The following CGN variants were observed in gnomAD, a reference collection of about 807,000 sequenced individuals.
CGN encodes cingulin.
CGN carries 121 observed loss-of-function variants against 157.1 expected under a neutral mutation model. The observed-to-expected ratio is 0.77, with a 90% CI of 0.66 to 0.90. The LOEUF is 0.90. CGN is among the 40% of genes least tolerant of loss of function. CGN has a pLI of 0.00. For missense variants in CGN, 1,424 were observed against 1,520.9 expected, an observed-to-expected ratio of 0.94 and a Z score of 1.06; for synonymous variants, 535 against 607.5, an observed-to-expected ratio of 0.88 and a Z score of 1.76.
At chr1:151,536,180 A>T (rs369747641) in intron 18 of CGN, 57 bp from the exon 19 acceptor site, 4 of 1,134,014 alleles carry the variant, frequency 3.5e-6, no homozygotes, top group Non-Finnish European at 5.4e-6. Context: ...TAGGGGGCCA[A>T]GTTAGGATTC....
At chr1:151,518,100 G>A (rs1557985698) in intron 1 of CGN, among the ~76,000 whole-genome samples, 2 of 152,190 alleles carry the variant, frequency 1.3e-5, no homozygotes, top group Non-Finnish European at 2.9e-5. Context: ...ACCCGCCTTG[G>A]CCTTCCAAAG....
chr1:151,510,925 G>A (rs374185236), upstream of CGN: 192 of 152,392 alleles, frequency 1.3e-3, 1 homozygote, highest in Non-Finnish European at 2.3e-3. Context: ...CTGAGGTGCA[G>A]GAGGCTCTGA....
At chr1:151,528,565 C>T (rs944970742) in intron 10 of CGN, among the ~76,000 whole-genome samples, 3 of 151,978 alleles carry the variant, frequency 2.0e-5, no homozygotes, top group Non-Finnish European at 4.4e-5. Flanking sequence ...TACAGGCACA[C>T]ACCACCACGC....
At chr1:151,517,070 A>G (rs1446945770) in intron 1 of CGN, among the ~76,000 whole-genome samples, 1 of 151,904 alleles carries the variant, frequency 6.6e-6, no homozygotes, top group Admixed American at 6.6e-5. Context: ...AGGCAGGAGA[A>G]TTGCTTAAAC....
Position 151,524,480 on chromosome 1 carries a change from T to C in CGN, c.1401+122T>C. Reference sequence around the variant, plus strand: ...GGTGGCTGATTACAGGTACTCAGTGTGCTTTCAGGTAGATTCAATGGTGTG... The same window carrying C: ...GGTGGCTGATTACAGGTACTCAGTGCGCTTTCAGGTAGATTCAATGGTGTG... On this transcript the variant is annotated intron_variant, in intron 7 of 20. Transcript: ENST00000271636. The surrounding 1 kb of genome is among the most constrained non-coding windows in gnomAD (Gnocchi z 4.4). 7.0e-7 allele frequency: 1 copy of C among 1,424,620 alleles called. No homozygotes were observed. The highest frequency in any genetic ancestry group is 1.3e-5 in the South Asian group (1 of 78,198). 88.2% of individuals were successfully genotyped at this position (1,424,620 alleles called of 1,614,324 possible). A position where few individuals can be genotyped will look rare whatever the true frequency, so the allele number is the denominator to read the frequency against.
chr1:151,529,970 C>T lies in CGN; in HGVS notation c.2168C>T (p.Thr723Met), dbSNP rs754439170. 8 of 1,613,948 alleles carry T rather than the reference C, an allele frequency of 5.0e-6. No individual in the cohort carries two copies. Among genetic ancestry groups the T allele is most frequent in the East Asian group, 2.2e-5 (1 of 44,884 alleles). The stretch of plus-strand genomic sequence containing the variant: ...GGGCAGCGGCGGGCCGCAGTGGAGA[C>T]GACGCTTCGGGAGACCCAGGAGGAA... Reference protein sequence around the residue: ...VLGQRRAAVETTLRETQEEND... With the variant: ...VLGQRRAAVEMTLRETQEEND... Residue 723 changes from threonine (T) to methionine (M), a missense_variant, in exon 12 of 21, where the codon ACG becomes ATG. By Grantham distance (81) the Thr-to-Met change is moderately conservative (BLOSUM62 -1). Transcript: ENST00000271636.
chr1:151,514,199 G>A (rs1664359831), intron 1 of CGN, among the ~76,000 whole-genome samples: 1 of 136,974 alleles, frequency 7.3e-6, no homozygotes, highest in Non-Finnish European at 1.7e-5. Flanking sequence ...TTGAGGTTAG[G>A]GAGTTAACCT....
At chr1:151,512,925 G>A (rs942408517) in intron 1 of CGN, among the ~76,000 whole-genome samples, 1 of 152,186 alleles carries the variant, frequency 6.6e-6, no homozygotes, top group Non-Finnish European at 1.5e-5. Flanking sequence ...GGGGGTGTAG[G>A]GCTCTTCTCT....
chr1:151,524,355 G>A lies in CGN; in HGVS notation c.1398G>A (p.Leu466=), dbSNP rs1281284532. 1.2e-6 allele frequency: 2 copies of A among 1,613,830 alleles called. No homozygotes were observed. Among genetic ancestry groups the A allele is most frequent in the Non-Finnish European group, 1.7e-6 (2 of 1,179,934 alleles). ...CTGAGCCTGCTAAGGAGGTGTTACTGAAGGTAGGGTCTGGGGTCATATGCC... is the reference window on the plus strand; with the variant it reads ...CTGAGCCTGCTAAGGAGGTGTTACTAAAGGTAGGGTCTGGGGTCATATGCC... The part of the protein sequence containing the change: ...QGPEPAKEVL[L]KDLLETRELL... Residue 466 remains leucine, a synonymous_variant, in exon 7 of 21, where the codon CTG becomes CTA. Transcript: ENST00000271636. This position sits in a 1 kb window ranked among gnomAD's most constrained non-coding sequence, Gnocchi z 4.4.
At position 151,537,216 on chromosome 1, in the gene CGN, C is replaced by T. The variant is rs1050412001; in HGVS notation, c.3482C>T (p.Ser1161Phe). 1.2e-6 allele frequency: 2 copies of T among 1,613,726 alleles called. No individual in the cohort carries two copies. Among genetic ancestry groups the T allele is most frequent in the Admixed American group, 3.3e-5 (2 of 59,894 alleles). Reference protein sequence around the residue: ...SLEKDSWRKASRSAAESALKN... With the variant: ...SLEKDSWRKAFRSAAESALKN... ...TCTCTCTGAGTCAGGCGCAAAGCTT[C>T]CCGCTCAGCTGCTGAGTCAGCTCTC... is the stretch of plus-strand genomic sequence containing the variant. Residue 1161 changes from serine (S) to phenylalanine (F), a missense_variant, in exon 21 of 21, where the codon TCC becomes TTC. Physicochemically the swap from Ser to Phe is radical, Grantham distance 155. Around this residue, in one of 3 missense-constraint regions of CGN, gnomAD observed 199 missense variants for 272.2 expected, o/e 0.73. Coordinates refer to ENST00000271636, the MANE Select transcript of CGN (RefSeq NM_020770.3).
chr1:151,523,407 C>A, intron 5 of CGN, 27 bp from the exon 6 acceptor site: 1 of 1,583,964 alleles, frequency 6.3e-7, no homozygotes, highest in Non-Finnish European at 8.6e-7. Flanking sequence ...TACCCTCTAC[C>A]TGCTGTACTC....
chr1:151,528,903 A>G (rs949486327), intron 10 of CGN, among the ~76,000 whole-genome samples: 1 of 152,146 alleles, frequency 6.6e-6, no homozygotes, highest in African/African-American at 2.4e-5. Context: ...CCTATAATAT[A>G]TGGGCCTTAA....
In CGN at chr1:151,536,298, A is replaced by G; in HGVS notation, c.3259A>G (p.Ile1087Val). ...GGAGCGGAAAGTTAAAGAACTATCC[A>G]TCCAGATTGAAGACGAGCGGCAGCA... ...KLERKVKELS[I>V]QIEDERQHVN... The change falls in exon 19 of 21, where the codon ATC (isoleucine) becomes GTC (valine). Residue 1087 changes from isoleucine to valine, a missense_variant. Coordinates refer to ENST00000271636, the MANE Select transcript of CGN (RefSeq NM_020770.3). 1 of 1,613,228 alleles carries G rather than the reference A, an allele frequency of 6.2e-7. No homozygotes were observed.
At chr1:151,517,264 C>G (rs1664436696) in intron 1 of CGN, among the ~76,000 whole-genome samples, 1 of 152,212 alleles carries the variant, frequency 6.6e-6, no homozygotes, top group Non-Finnish European at 1.5e-5. Context: ...TTCTGCTCTT[C>G]CAGAGAATAG....
chr1:151,526,219 C>T (rs1664676911), intron 9 of CGN, among the ~76,000 whole-genome samples: 1 of 150,658 alleles, frequency 6.6e-6, no homozygotes, highest in African/African-American at 2.4e-5. Flanking sequence ...CACTCTGTTG[C>T]CCAGGCTAGA....
At position 151,529,963 on chromosome 1, in the gene CGN, G is replaced by A. The variant is rs780004142; in HGVS notation, c.2161G>A (p.Val721Met). 8.6e-5 allele frequency: 139 copies of A among 1,614,056 alleles called. No homozygotes were observed. The highest frequency in any genetic ancestry group is 1.2e-4 in the Non-Finnish European group (137 of 1,180,030). The change falls in exon 12 of 21, where the codon GTG (valine) becomes ATG (methionine). Residue 721 changes from valine to methionine, a missense_variant. Physicochemically the swap from Val to Met is conservative, Grantham distance 21. This residue lies in a region of CGN where 1,187 missense variants were observed against 1,217.6 expected (regional missense o/e 0.97). Coordinates refer to ENST00000271636, the MANE Select transcript of CGN (RefSeq NM_020770.3). ...ATVLGQRRAAVETTLRETQEE... is the reference protein window; with the variant it reads ...ATVLGQRRAAMETTLRETQEE... The stretch of plus-strand genomic sequence containing the variant: ...AGTGCTGGGGCAGCGGCGGGCCGCA[G>A]TGGAGACGACGCTTCGGGAGACCCA...
At chr1:151,518,203 G>A (rs556568919) in intron 1 of CGN, among the ~76,000 whole-genome samples, 1 of 152,278 alleles carries the variant, frequency 6.6e-6, no homozygotes, top group African/African-American at 2.4e-5. Flanking sequence ...CTGTATCAGA[G>A]GAAGTGGATT....
At chr1:151,530,849 T>A in intron 13 of CGN, 103 bp downstream of exon 13, 1 of 1,257,402 alleles carries the variant, frequency 8.0e-7, no homozygotes, top group Non-Finnish European at 1.1e-6. Flanking sequence ...TCAGAATGTG[T>A]GATGATTATG....
Position 151,518,637 on chromosome 1 carries a change from C to T in CGN, c.118C>T (p.Arg40Ter), listed in dbSNP as rs376940080. ...AEMGTLRRGG[R>*]RPAKDARAST... ...GATGGGCACTCTACGTCGAGGTGGACGACGCCCAGCTAAGGATGCAAGAGC... is the reference window on the plus strand; with the variant it reads ...GATGGGCACTCTACGTCGAGGTGGATGACGCCCAGCTAAGGATGCAAGAGC... Residue 40 changes from arginine to a stop codon, truncating the protein, a stop_gained, in exon 2 of 21, where the codon CGA becomes TGA. Transcript: ENST00000271636. LOFTEE classifies it high-confidence loss of function. 3.0e-5 allele frequency: 49 copies of T among 1,613,980 alleles called. No individual in the cohort carries two copies. The highest frequency in any genetic ancestry group is 3.7e-5 in the Non-Finnish European group (44 of 1,180,030).
Sources: gnomAD v4.1 joint callset for allele counts (sites outside exome capture counted in the v4.1 genomes callset) on GRCh38, gnomAD v4.1.1 for gene constraint, gnomAD v4.1.1 regional missense constraint, Gnocchi (gnomAD v3.1) non-coding constraint, MANE v1.5 for transcripts, NCBI Gene and HGNC (gene_info 2026-07-23, HGNC 2026-07-21) for gene names.